Variants in TRPC6 observed in about 807,000 individuals in gnomAD.
The protein encoded by TRPC6 is transient receptor potential cation channel subfamily C member 6, also known as short transient receptor potential channel 6.
TRPC6 carries 55 observed loss-of-function variants against 90.7 expected under a neutral mutation model. The ratio of observed to expected loss-of-function variants is 0.61; its 90% CI spans 0.49 to 0.76. The LOEUF (loss-of-function observed/expected upper bound fraction) is 0.76, where lower values mean the gene tolerates loss of function less well. Among genes scored for constraint, TRPC6 ranks in the 30% least tolerant of loss-of-function variants. The probability of loss-of-function intolerance (pLI) is 0.00; values close to 1 mark genes in which losing one functional copy is unlikely to be tolerated. For synonymous variants in TRPC6, 393 were observed against 393.0 expected (o/e 1.00, Z 0.00); for missense variants, 989 against 1,122.7 (o/e 0.88, Z 1.70).
intron 1 of TRPC6, among the ~76,000 whole-genome samples, chr11:101,541,360 T>C (rs1009693065): frequency 6.6e-6 from 1 of 152,136 alleles, no homozygotes; most frequent in African/African-American, 2.4e-5. Flanking sequence ...AAAATGACTG[T>C]ATTTTTTTGT....
At chr11:101,529,314 G>C (rs556363812) in intron 1 of TRPC6, among the ~76,000 whole-genome samples, 1 of 152,288 alleles carries the variant, frequency 6.6e-6, no homozygotes, top group East Asian at 1.9e-4. Context: ...CAGAGTCTAG[G>C]CTAAATATCA....
rs941159113 is a variant in TRPC6, at chr11:101,483,235, A to G, written c.1294-70T>C. The G allele has an allele frequency of 8.9e-6, 13 of 1,466,000 alleles. No homozygotes were observed. In the East Asian group the frequency reaches 9.1e-5, roughly 10 times the overall value. The allele number at this position is 1,466,000 out of a possible 1,614,324, so 90.8% of individuals were successfully genotyped here. A position where few individuals can be genotyped will look rare whatever the true frequency, so the allele number is the denominator to read the frequency against. ...CACTTTGCAAAACACACATACATAC[A>G]TGCAAGAATAAACATCTGCACATTC... On this transcript the variant is annotated intron_variant, in intron 4 of 12. Transcript: ENST00000344327.
At chr11:101,465,158 C>CTGTT (rs1859111833) in intron 10 of TRPC6, among the ~76,000 whole-genome samples, 1 of 152,184 alleles carries the variant, frequency 6.6e-6, no homozygotes. Context: ...GAGAGATCTG[C>CTGTT]TGTTAGTCTG....
chr11:101,583,452 C>A lies in TRPC6; in HGVS notation c.52G>T (p.Ala18Ser), dbSNP rs1476525236. ...GPRRGSSPRGAAGAAARRNES... is the reference protein window; with the variant it reads ...GPRRGSSPRGSAGAAARRNES... The stretch of plus-strand genomic sequence containing the variant: ...TTGCGCCGCGCAGCGGCTCCGGCAG[C>A]GCCCCGGGGAGAACTGCCCCTCCGG... Residue 18 changes from alanine to serine, a missense_variant, in exon 1 of 13, where the codon GCT becomes TCT. Physicochemically the swap from Ala to Ser is moderately conservative, Grantham distance 99. Transcript: ENST00000344327. 6.5e-7 allele frequency: 1 copy of A among 1,536,106 alleles called. No homozygotes were observed. Among genetic ancestry groups the A allele is most frequent in the Non-Finnish European group, 8.8e-7 (1 of 1,140,034 alleles).
In TRPC6 at chr11:101,583,833, G is replaced by A; in HGVS notation, c.-330C>T. The A allele has an allele frequency of 6.8e-6, 2 of 292,352 alleles. No individual in the cohort carries two copies. Among genetic ancestry groups the A allele is most frequent in the Non-Finnish European group, 1.3e-5 (2 of 157,998 alleles). The allele number at this position is 292,352 out of a possible 1,614,324, so 18.1% of individuals were successfully genotyped here. A position where few individuals can be genotyped will look rare whatever the true frequency, so the allele number is the denominator to read the frequency against. On this transcript the variant is annotated 5_prime_UTR_variant, in exon 1 of 13. Coordinates refer to ENST00000344327, the MANE Select transcript of TRPC6 (RefSeq NM_004621.6). ...GGTGGTAGCGAAGCGTAAGAGCGGAGAGCAAGGGAGACGGAGCTGAAGAGT... is the reference window on the plus strand; with the variant it reads ...GGTGGTAGCGAAGCGTAAGAGCGGAAAGCAAGGGAGACGGAGCTGAAGAGT...
At chr11:101,508,887 AATAATT>A (rs1243835054) in intron 1 of TRPC6, among the ~76,000 whole-genome samples, 57 of 152,148 alleles carry the variant, frequency 3.7e-4, no homozygotes, top group African/African-American at 1.4e-3. Context: ...AAATGGGAGA[AATAATT>A]ATTCTGACCT....
intron 1 of TRPC6, among the ~76,000 whole-genome samples, chr11:101,554,743 A>G (rs1330176910): frequency 6.6e-6 from 1 of 152,232 alleles, no homozygotes; most frequent in Admixed American, 6.5e-5. Context: ...TTTATTAACT[A>G]AAAGTTAATG....
intron 1 of TRPC6, among the ~76,000 whole-genome samples, chr11:101,575,058 G>A (rs546191049): frequency 7.9e-5 from 12 of 152,170 alleles, no homozygotes; most frequent in African/African-American, 2.4e-4. Context: ...TTGATTCCTG[G>A]CAACTTATAT....
intron 1 of TRPC6, among the ~76,000 whole-genome samples, chr11:101,534,125 T>G (rs1258694672): frequency 6.6e-6 from 1 of 152,016 alleles, no homozygotes; most frequent in Non-Finnish European, 1.5e-5. Context: ...CTCCCTTCCC[T>G]CCCTTCCTTC....
At position 101,489,400 on chromosome 11, in the gene TRPC6, C is replaced by T. The variant is rs7932073; in HGVS notation, c.1129-299G>A. Among the ~76,000 whole-genome samples the T allele has an allele frequency of 0.35, 52,898 of 151,892 alleles. 10,566 individuals are homozygous for T. Among genetic ancestry groups the T allele is most frequent in the African/African-American group, 0.55 (22,643 of 41,412 alleles). On this transcript the variant is annotated intron_variant, in intron 3 of 12. Transcript: ENST00000344327. Reference sequence around the variant, plus strand: ...AAAAGATTAATCTAAATTTTACATACGGCTTTTATGATTATATAGTTTTTT... The same window carrying T: ...AAAAGATTAATCTAAATTTTACATATGGCTTTTATGATTATATAGTTTTTT...
chr11:101,567,246 C>A (rs1388352548), intron 1 of TRPC6, among the ~76,000 whole-genome samples: 1 of 152,076 alleles, frequency 6.6e-6, no homozygotes, highest in Non-Finnish European at 1.5e-5. Context: ...TAAACAAAGC[C>A]CTGGGGAAGT....
intron 1 of TRPC6, among the ~76,000 whole-genome samples, chr11:101,565,560 T>C (rs1861809435): frequency 6.6e-6 from 1 of 152,026 alleles, no homozygotes; most frequent in African/African-American, 2.4e-5. Flanking sequence ...AGAAACAAAC[T>C]GGAAGGGGAA....
intron 1 of TRPC6, among the ~76,000 whole-genome samples, chr11:101,551,882 G>A (rs1423397469): frequency 6.6e-6 from 1 of 152,066 alleles, no homozygotes. Context: ...TAAGCTCAGA[G>A]ATCCTTTCTG....
intron 1 of TRPC6, among the ~76,000 whole-genome samples, chr11:101,560,855 A>G (rs559509955): frequency 2.6e-5 from 4 of 152,234 alleles, no homozygotes; most frequent in African/African-American, 9.6e-5. Context: ...TTAGAGCACA[A>G]AGATGGGGAA....
chr11:101,574,572 G>A (rs1329416638), intron 1 of TRPC6, among the ~76,000 whole-genome samples: 1 of 151,094 alleles, frequency 6.6e-6, no homozygotes, highest in Non-Finnish European at 1.5e-5. Flanking sequence ...CTTTCCAGAT[G>A]GAATACAGTG....
chr11:101,476,491 G>A lies in TRPC6; in HGVS notation c.1554C>T (p.Pro518=). ...AECKEIWTQG[P]KEYLFELWNM... is the part of the protein sequence containing the mutation. ...TCCACAACTCAAACAAATATTCCTTGGGGCCCTGAGTCCAGATTTCTTTAC... is the reference window on the plus strand; with the variant it reads ...TCCACAACTCAAACAAATATTCCTTAGGGCCCTGAGTCCAGATTTCTTTAC... The change falls in exon 6 of 13, where the codon CCC becomes CCT. Residue 518 remains proline (P), a synonymous_variant. Coordinates refer to ENST00000344327, the MANE Select transcript of TRPC6 (RefSeq NM_004621.6). 1 of 1,614,012 alleles carries A rather than the reference G, an allele frequency of 6.2e-7. No individual in the cohort carries two copies.
rs1296257656 is a variant in TRPC6 at position 101,451,959 on chromosome 11, A to G, written c.*996T>C. 1 of 152,198 alleles carries G rather than the reference A, an allele frequency of 6.6e-6. No individual in the cohort carries two copies. The highest frequency in any genetic ancestry group is 6.5e-5 in the Admixed American group (1 of 15,278). The allele number at this position is 152,198 out of a possible 1,614,324, so 9.4% of individuals were successfully genotyped here. A position where few individuals can be genotyped will look rare whatever the true frequency, so the allele number is the denominator to read the frequency against. On this transcript the variant is annotated 3_prime_UTR_variant, in exon 13 of 13. Coordinates refer to ENST00000344327, the MANE Select transcript of TRPC6 (RefSeq NM_004621.6). The stretch of plus-strand genomic sequence containing the variant: ...ACATGAATGCAAATTCCTGTTTTAT[A>G]TATTTGGGTAGAAGGATAGAACATA...
At chr11:101,522,236 A>G (rs1860679053) in intron 1 of TRPC6, among the ~76,000 whole-genome samples, 1 of 152,168 alleles carries the variant, frequency 6.6e-6, no homozygotes, top group East Asian at 1.9e-4. Flanking sequence ...GGGTATGGAT[A>G]TTCCCCTTAC....
intron 7 of TRPC6, among the ~76,000 whole-genome samples, 155 bp from the exon 8 acceptor site, chr11:101,472,487 T>C (rs1006276709): frequency 1.3e-5 from 2 of 152,146 alleles, no homozygotes; most frequent in Admixed American, 6.6e-5. Flanking sequence ...TTCTGTAAAA[T>C]GGTTACAATA....
Sources: gnomAD v4.1 joint callset for allele counts (sites outside exome capture counted in the v4.1 genomes callset) on GRCh38, gnomAD v4.1.1 for gene constraint, MANE v1.5 for transcripts, NCBI Gene and HGNC (gene_info 2026-07-23, HGNC 2026-07-21) for gene names.